SLCO5A1: variants seen among roughly 807,000 people sequenced by gnomAD.
The protein encoded by SLCO5A1 is organic anion transporter polypeptide-related protein 4.
In SLCO5A1, 39 loss-of-function variants were observed where a neutral mutation model predicts 65.1. The observed-to-expected ratio is 0.60, with a 90% CI of 0.46 to 0.78. The LOEUF (loss-of-function observed/expected upper bound fraction) is 0.78, where lower values mean the gene tolerates loss of function less well. Among genes scored for constraint, SLCO5A1 ranks in the 30% least tolerant of loss-of-function variants. The pLI is 0.00. For synonymous variants in SLCO5A1, 438 were observed against 415.7 expected (o/e 1.05, Z -0.65); for missense variants, 1,029 against 1,069.4 (o/e 0.96, Z 0.53).
intron 2 of SLCO5A1, among the ~76,000 whole-genome samples, chr8:69,800,435 T>C (rs1819685235): frequency 6.6e-6 from 1 of 152,024 alleles, no homozygotes; most frequent in Non-Finnish European, 1.5e-5. Context: ...TTTGAACAGA[T>C]AACAATGGAA....
At chr8:69,782,579 CAAA>C (rs773987113) in intron 2 of SLCO5A1, among the ~76,000 whole-genome samples, 6 of 53,966 alleles carry the variant, frequency 1.1e-4, no homozygotes, top group Admixed American at 2.0e-4. Flanking sequence ...GACCCTGTCT[CAAA>C]AAAAAAAAAA....
chr8:69,718,917 G>T (rs1483659291), intron 5 of SLCO5A1, among the ~76,000 whole-genome samples: 8 of 152,120 alleles, frequency 5.3e-5, no homozygotes, highest in Admixed American at 6.5e-5. Context: ...AGTAGGGAGA[G>T]GAGTTCCATT....
rs5892216 is a variant in SLCO5A1 at position 69,752,436 on chromosome 8, T to TAA, written c.1258+2986_1258+2987dup. Reference sequence around the variant, plus strand: ...CCTCAATAATAAATCTCAGCTTTGTTAAAAAAAAAAAAGTGATGTCAATAG... The same window carrying TAA: ...CCTCAATAATAAATCTCAGCTTTGTTAAAAAAAAAAAAAAGTGATGTCAATAG... On this transcript the variant is annotated intron_variant, in intron 4 of 9. Coordinates refer to ENST00000260126, the MANE Select transcript of SLCO5A1 (RefSeq NM_030958.3). Among the ~76,000 whole-genome samples the TAA allele has an allele frequency of 1.7e-3, 245 of 146,690 alleles. 2 individuals carry two copies. The highest frequency in any genetic ancestry group is 8.7e-3 in the East Asian group (44 of 5,052).
At chr8:69,804,395 C>A (rs911837678) in intron 2 of SLCO5A1, among the ~76,000 whole-genome samples, 1 of 152,138 alleles carries the variant, frequency 6.6e-6, no homozygotes, top group Admixed American at 6.5e-5. Context: ...CTCACTGCAA[C>A]CTCCACCTTC....
chr8:69,676,166 A>G (rs1390398060), intron 9 of SLCO5A1, among the ~76,000 whole-genome samples: 1 of 152,140 alleles, frequency 6.6e-6, no homozygotes, highest in African/African-American at 2.4e-5. Context: ...TTCTCAGAAA[A>G]CTTGATAGGT....
At chr8:69,800,734 A>T (rs1025399783) in intron 2 of SLCO5A1, among the ~76,000 whole-genome samples, 1 of 152,120 alleles carries the variant, frequency 6.6e-6, no homozygotes, top group Non-Finnish European at 1.5e-5. Flanking sequence ...TCCATTCAAG[A>T]GTCATCTGGG....
intron 4 of SLCO5A1, among the ~76,000 whole-genome samples, chr8:69,748,052 G>T (rs138195957): frequency 0.011 from 1,646 of 152,058 alleles, 18 homozygotes; most frequent in South Asian, 0.016. Context: ...CAATCATAAG[G>T]CCCCATGAAG....
chr8:69,757,286 C>A (rs1232557769), intron 3 of SLCO5A1, among the ~76,000 whole-genome samples: 2 of 152,066 alleles, frequency 1.3e-5, no homozygotes, highest in Non-Finnish European at 2.9e-5. Flanking sequence ...ATGTAATCAC[C>A]AGCCCAGTGC....
At chr8:69,768,174 A>C (rs940860693) in intron 2 of SLCO5A1, among the ~76,000 whole-genome samples, 1 of 152,204 alleles carries the variant, frequency 6.6e-6, no homozygotes. Context: ...TCAAGGCTGC[A>C]TGAGTCATGA....
At chr8:69,739,037 A>G (rs1816686722) in intron 4 of SLCO5A1, among the ~76,000 whole-genome samples, 1 of 152,244 alleles carries the variant, frequency 6.6e-6, no homozygotes, top group Non-Finnish European at 1.5e-5. Context: ...ACAGCCATAT[A>G]ATGGAAAACT....
chr8:69,806,702 C>T (rs1820005451), intron 2 of SLCO5A1, among the ~76,000 whole-genome samples: 1 of 152,150 alleles, frequency 6.6e-6, no homozygotes, highest in African/African-American at 2.4e-5. Flanking sequence ...ACCTTGGCTC[C>T]AGTTTATTAA....
At chr8:69,770,317 C>T (rs1013220069) in intron 2 of SLCO5A1, among the ~76,000 whole-genome samples, 9 of 152,076 alleles carry the variant, frequency 5.9e-5, no homozygotes, top group East Asian at 1.9e-4. Context: ...GATCCCGGCC[C>T]GGCACGGTAT....
chr8:69,737,556 C>G (rs984722187), intron 5 of SLCO5A1, among the ~76,000 whole-genome samples: 2 of 152,154 alleles, frequency 1.3e-5, no homozygotes, highest in African/African-American at 4.8e-5. Context: ...TCCCAGACAT[C>G]AAACATCTAA....
At chr8:69,737,596 T>G (rs1250725968) in intron 5 of SLCO5A1, among the ~76,000 whole-genome samples, 1 of 152,168 alleles carries the variant, frequency 6.6e-6, no homozygotes. Flanking sequence ...CTTTTCAACT[T>G]CACACATCTC....
Position 69,676,664 on chromosome 8 carries a change from T to C in SLCO5A1, c.2034A>G (p.Glu678=), listed in dbSNP as rs1314552055. ...CCAGTGCAAAAGGTCTCTCCTCATC[T>C]TCTACGGACCTACAGTGAAGGGAAA... The part of the protein sequence containing the change: ...SAIIVTLRSV[E]DEERPFALGM... Residue 678 remains glutamate (E), a synonymous_variant, in exon 9 of 10, where the codon GAA becomes GAG. Coordinates refer to ENST00000260126, the MANE Select transcript of SLCO5A1 (RefSeq NM_030958.3). 1 of 1,611,710 alleles carries C rather than the reference T, an allele frequency of 6.2e-7. No individual in the cohort carries two copies. Among genetic ancestry groups the C allele is most frequent in the Non-Finnish European group, 8.5e-7 (1 of 1,178,928 alleles).
Position 69,832,793 on chromosome 8 carries a change from G to T in SLCO5A1, c.-120C>A. The T allele has an allele frequency of 8.3e-7, 1 of 1,210,394 alleles. No homozygotes were observed. The highest frequency in any genetic ancestry group is 1.1e-6 in the Non-Finnish European group (1 of 889,210). 75.0% of individuals were successfully genotyped at this position (1,210,394 alleles called of 1,614,324 possible). A position where few individuals can be genotyped will look rare whatever the true frequency, so the allele number is the denominator to read the frequency against. On this transcript the variant is annotated 5_prime_UTR_variant, in exon 2 of 10. Transcript: ENST00000260126. The surrounding 1 kb of genome is among the most constrained non-coding windows in gnomAD (Gnocchi z 4.5). Reference sequence around the variant, plus strand: ...TCTTGCCCACCTGGGACTGGGGCTGGGGGCGCAGGGCCGCGCAGCAGGGCA... The same window carrying T: ...TCTTGCCCACCTGGGACTGGGGCTGTGGGCGCAGGGCCGCGCAGCAGGGCA...
Position 69,689,946 on chromosome 8 carries a change from C to T in SLCO5A1, c.1623-7603G>A, listed in dbSNP as rs192608953. On this transcript the variant is annotated intron_variant, in intron 6 of 9. Coordinates refer to ENST00000260126, the MANE Select transcript of SLCO5A1 (RefSeq NM_030958.3). ...ACCTTGGGCAGTATGGCCATTTTCACGATATTGATTCTTCCTACTCATGAG... is the reference window on the plus strand; with the variant it reads ...ACCTTGGGCAGTATGGCCATTTTCATGATATTGATTCTTCCTACTCATGAG... Among the ~76,000 whole-genome samples, 1,423 of 152,254 alleles carry T rather than the reference C, an allele frequency of 9.3e-3. 27 individuals are homozygous for T. The highest frequency in any genetic ancestry group is 0.032 in the African/African-American group (1,321 of 41,530).
intron 5 of SLCO5A1, among the ~76,000 whole-genome samples, chr8:69,711,376 A>AG (rs1214641351): frequency 6.6e-6 from 1 of 152,014 alleles, no homozygotes; most frequent in Admixed American, 6.6e-5. Context: ...CCAGCCTCGG[A>AG]GGGACCCCCG....
At chr8:69,705,522 A>C (rs138767408) in intron 5 of SLCO5A1, among the ~76,000 whole-genome samples, 5 of 152,324 alleles carry the variant, frequency 3.3e-5, no homozygotes, top group African/African-American at 1.2e-4. Flanking sequence ...GACAAAATCC[A>C]GACAAACAAT....
Sources: gnomAD v4.1 joint callset for allele counts (sites outside exome capture counted in the v4.1 genomes callset) on GRCh38, gnomAD v4.1.1 for gene constraint, Gnocchi (gnomAD v3.1) non-coding constraint, MANE v1.5 for transcripts, NCBI Gene and HGNC (gene_info 2026-07-23, HGNC 2026-07-21) for gene names.